The following DIP2C variants were observed in gnomAD, a reference collection of about 807,000 sequenced individuals.
The protein encoded by DIP2C is DIP2 acetate--CoA ligase C (putative), also known as disco-interacting protein 2 homolog C.
A neutral mutation model predicts 192.4 loss-of-function variants in DIP2C; 33 were observed. That is an observed-to-expected ratio of 0.17 (90% CI 0.13 to 0.23). The LOEUF is 0.23. Among genes scored for constraint, DIP2C ranks in the 10% least tolerant of loss-of-function variants. DIP2C has a pLI of 1.00. For missense variants in DIP2C, 1,537 were observed against 2,110.1 expected (o/e 0.73, Z 5.32); for synonymous variants, 979 against 864.1 (o/e 1.13, Z -2.33).
chr10:506,627 A>G (rs1845609571), intron 1 of DIP2C, among the ~76,000 whole-genome samples: 1 of 152,166 alleles, frequency 6.6e-6, no homozygotes, highest in African/African-American at 2.4e-5. Context: ...GCATGCCTAC[A>G]CCACCCTGCA....
At chr10:384,730 G>T in intron 14 of DIP2C, 91 bp from the exon 15 acceptor site, 1 of 1,307,778 alleles carries the variant, frequency 7.6e-7, no homozygotes, top group Non-Finnish European at 1.1e-6. Flanking sequence ...AGGCCGCACG[G>T]GCAGGGGGGA....
chr10:527,584 T>C (rs1167096557), intron 1 of DIP2C, among the ~76,000 whole-genome samples: 1 of 151,766 alleles, frequency 6.6e-6, no homozygotes, highest in Non-Finnish European at 1.5e-5. Context: ...TACTACAGAG[T>C]GTCAAATAAC....
chr10:448,771 TGTCG>T (rs1968574873), intron 3 of DIP2C, among the ~76,000 whole-genome samples: 5 of 76,568 alleles, frequency 6.5e-5, no homozygotes, highest in Non-Finnish European at 5.6e-5. Flanking sequence ...CACTCACCCC[TGTCG>T]ATACTCAGGA....
At chr10:536,837 T>A (rs1283560923) in intron 1 of DIP2C, among the ~76,000 whole-genome samples, 1 of 152,178 alleles carries the variant, frequency 6.6e-6, no homozygotes, top group Non-Finnish European at 1.5e-5. Context: ...AAGGCAGTCA[T>A]CTGAAACCAT....
intron 1 of DIP2C, among the ~76,000 whole-genome samples, chr10:603,507 A>G (rs940992069): frequency 2.0e-5 from 3 of 152,104 alleles, no homozygotes; most frequent in Admixed American, 6.5e-5. Flanking sequence ...CTGAACAAGT[A>G]TATCAGGTAT....
At chr10:615,887 G>A (rs1036995710) in intron 1 of DIP2C, among the ~76,000 whole-genome samples, 10 of 152,162 alleles carry the variant, frequency 6.6e-5, no homozygotes, top group East Asian at 1.9e-4. Context: ...AGAGTTTGCC[G>A]GCCGTCTTAC....
intron 4 of DIP2C, among the ~76,000 whole-genome samples, 164 bp downstream of exon 4, chr10:440,707 C>T (rs1362936391): frequency 6.6e-6 from 1 of 152,170 alleles, no homozygotes; most frequent in Non-Finnish European, 1.5e-5. Flanking sequence ...TGTTACTTTT[C>T]CTTCCACGTT....
intron 14 of DIP2C, among the ~76,000 whole-genome samples, chr10:386,260 G>T (rs958729513): frequency 1.3e-5 from 2 of 152,216 alleles, no homozygotes; most frequent in African/African-American, 4.8e-5. Context: ...TTAGGCCACA[G>T]AATTCTCACA....
chr10:662,018 C>A (rs1177534358), intron 1 of DIP2C: 2 of 714,518 alleles, frequency 2.8e-6, no homozygotes, highest in African/African-American at 1.7e-5. Flanking sequence ...ATGGCGAGTG[C>A]CCCGCAGGAG....
intron 6 of DIP2C, among the ~76,000 whole-genome samples, chr10:416,430 C>A (rs961056506): frequency 1.3e-5 from 2 of 152,192 alleles, no homozygotes; most frequent in African/African-American, 4.8e-5. Context: ...AGCACCACCA[C>A]GCCCAAGCCC....
intron 32 of DIP2C, among the ~76,000 whole-genome samples, chr10:297,142 C>A (rs1038478342): frequency 9.9e-5 from 15 of 151,478 alleles, no homozygotes; most frequent in Admixed American, 7.9e-4. Flanking sequence ...TGCAGTGAGC[C>A]GAGATCATGC....
intron 3 of DIP2C, among the ~76,000 whole-genome samples, chr10:445,315 T>A (rs548059571): frequency 6.6e-6 from 1 of 151,662 alleles, no homozygotes; most frequent in African/African-American, 2.4e-5. Context: ...TCTGTATACA[T>A]CTGTTGTGAA....
At chr10:602,910 C>T (rs1247834591) in intron 1 of DIP2C, among the ~76,000 whole-genome samples, 1 of 152,148 alleles carries the variant, frequency 6.6e-6, no homozygotes. Context: ...TTCAGTCTCC[C>T]GCCTCTCAAC....
chr10:538,955 T>A (rs1174409302), intron 1 of DIP2C, among the ~76,000 whole-genome samples: 1 of 148,796 alleles, frequency 6.7e-6, no homozygotes, highest in Admixed American at 6.6e-5. Context: ...TCTGTTCATG[T>A]CATTCCGTGT....
At chr10:580,022 T>C (rs954820111) in intron 1 of DIP2C, among the ~76,000 whole-genome samples, 3 of 152,134 alleles carry the variant, frequency 2.0e-5, no homozygotes, top group African/African-American at 7.2e-5. Flanking sequence ...GAATAGCATG[T>C]ACACGCATCT....
intron 1 of DIP2C, among the ~76,000 whole-genome samples, chr10:590,330 T>C (rs1419798544): frequency 3.3e-5 from 5 of 152,286 alleles, no homozygotes; most frequent in Middle Eastern, 3.4e-3. Context: ...TGACTCAAAA[T>C]ACAGCTTCTA....
At chr10:583,947 C>T (rs1850817673) in intron 1 of DIP2C, among the ~76,000 whole-genome samples, 2 of 152,144 alleles carry the variant, frequency 1.3e-5, no homozygotes, top group African/African-American at 2.4e-5. Context: ...CAGCTTTGAG[C>T]AGCCACAAAT....
chr10:386,945 A>G (rs1962988748), intron 14 of DIP2C, among the ~76,000 whole-genome samples: 1 of 152,218 alleles, frequency 6.6e-6, no homozygotes, highest in Non-Finnish European at 1.5e-5. Context: ...AAAGTGCCCA[A>G]GCCCGGCACG....
At chr10:318,926 C>A (rs1035753279) in intron 31 of DIP2C, among the ~76,000 whole-genome samples, 1 of 145,862 alleles carries the variant, frequency 6.9e-6, no homozygotes, top group Non-Finnish European at 1.5e-5. Flanking sequence ...TTTTTTTATA[C>A]AGAGTCTGGC....
Sources: gnomAD v4.1 joint callset for allele counts (sites outside exome capture counted in the v4.1 genomes callset) on GRCh38, gnomAD v4.1.1 for gene constraint, MANE v1.5 for transcripts, NCBI Gene and HGNC (gene_info 2026-07-23, HGNC 2026-07-21) for gene names.